MAP2K2: variants seen among roughly 807,000 people sequenced by gnomAD.
MAP2K2 encodes mitogen-activated protein kinase kinase 2, also known as dual specificity mitogen-activated protein kinase kinase 2.
In MAP2K2, 24 loss-of-function variants were observed where a neutral mutation model predicts 43.7. That is an observed-to-expected ratio of 0.55 (90% CI 0.40 to 0.77). The LOEUF (loss-of-function observed/expected upper bound fraction) is 0.77. MAP2K2 is among the 30% of genes least tolerant of loss of function. The pLI is 0.00. For missense variants in MAP2K2, 470 were observed against 566.8 expected (o/e 0.83, Z 1.73); for synonymous variants, 244 against 239.7 (o/e 1.02, Z -0.17).
rs1343449854 is a variant in MAP2K2, at chr19:4,115,819, A to G, written c.303+1600T>C. Among the ~76,000 whole-genome samples, 1 of 152,208 alleles carries G rather than the reference A, an allele frequency of 6.6e-6. No homozygotes were observed. Among genetic ancestry groups the G allele is most frequent in the East Asian group, 1.9e-4 (1 of 5,200 alleles). ...TACAGGATGGTGGGCTTCCAGGAAGAGGCAGCGTTCTAGGTCTGAAAGAAC... is the reference window on the plus strand; with the variant it reads ...TACAGGATGGTGGGCTTCCAGGAAGGGGCAGCGTTCTAGGTCTGAAAGAAC... On this transcript the variant is annotated intron_variant, in intron 2 of 10. Coordinates refer to ENST00000262948, the MANE Select transcript of MAP2K2 (RefSeq NM_030662.4). The surrounding 1 kb of genome is among the most constrained non-coding windows in gnomAD (Gnocchi z 4.1).
Position 4,102,413 on chromosome 19 carries a change from C to G in MAP2K2, c.491G>C (p.Arg164Thr), listed in dbSNP as rs751317148. 1 of 1,606,752 alleles carries G rather than the reference C, an allele frequency of 6.2e-7. No homozygotes were observed. The highest frequency in any genetic ancestry group is 8.5e-7 in the Non-Finnish European group (1 of 1,177,476). Residue 164 changes from arginine (R) to threonine (T), a missense_variant, in exon 4 of 11, where the codon AGG becomes ACG. By Grantham distance (71) the Arg-to-Thr change is moderately conservative. This residue lies in a region of MAP2K2 where 200 missense variants were observed against 297.9 expected (regional missense o/e 0.67). Coordinates refer to ENST00000262948, the MANE Select transcript of MAP2K2 (RefSeq NM_030662.4). ...SLDQVLKEAK[R>T]IPEEILGKVS... ...TTTCCCCAGGATCTCCTCGGGAATC[C>G]TCTTGGCCTCTTTCAGCACCTGGTC...
Position 4,110,613 on chromosome 19 carries a change from T to C in MAP2K2, c.346A>G (p.Ile116Val). The C allele has an allele frequency of 1.4e-5, 23 of 1,613,874 alleles. No individual in the cohort carries two copies. Among genetic ancestry groups the C allele is most frequent in the Middle Eastern group, 1.6e-4 (1 of 6,062 alleles). ...EIKPAIRNQIIRELQVLHECN... is the reference protein window; with the variant it reads ...EIKPAIRNQIVRELQVLHECN... ...TCGTGCAGGACCTGCAGCTCGCGGA[T>C]GATCTGGTTCCGGATGGCCGGCTTG... The change falls in exon 3 of 11, where the codon ATC (isoleucine) becomes GTC (valine). Residue 116 changes from isoleucine to valine, a missense_variant. Transcript: ENST00000262948.
At chr19:4,102,021 G>A (rs1043195269) in intron 4 of MAP2K2, among the ~76,000 whole-genome samples, 5 of 152,072 alleles carry the variant, frequency 3.3e-5, no homozygotes, top group East Asian at 3.9e-4. Context: ...AGGTCCTGGC[G>A]TCCCACATCC....
At chr19:4,091,037 G>A (rs939670165) in intron 10 of MAP2K2, among the ~76,000 whole-genome samples, 31 of 152,188 alleles carry the variant, frequency 2.0e-4, no homozygotes, top group African/African-American at 7.0e-4. Context: ...CACCGGGGCC[G>A]GATCATTCTC....
rs2041069171 is a variant in MAP2K2 at position 4,105,157 on chromosome 19, TGTGTGTG to T, written c.451-2711_451-2705del. Among the ~76,000 whole-genome samples the T allele has an allele frequency of 9.1e-4, 8 of 8,814 alleles. No individual in the cohort carries two copies. In the Admixed American group the frequency reaches 0.042, roughly 46 times the overall value. The allele number at this position is 8,814 out of a possible 152,430, so 5.8% of individuals were successfully genotyped here. A position where few individuals can be genotyped will look rare whatever the true frequency, so the allele number is the denominator to read the frequency against. On this transcript the variant is annotated intron_variant, in intron 3 of 10. Coordinates refer to ENST00000262948, the MANE Select transcript of MAP2K2 (RefSeq NM_030662.4). The stretch of plus-strand genomic sequence containing the variant: ...TGTGCATGACCATACACGTCTACCG[TGTGTGTG>T]TGTGTGTGTGTGTGTGTGTGTGTGT...
intron 2 of MAP2K2, among the ~76,000 whole-genome samples, chr19:4,112,583 G>A (rs539327536): frequency 2.0e-5 from 3 of 152,232 alleles, no homozygotes; most frequent in East Asian, 3.9e-4. Context: ...CCCGGGGCAC[G>A]GTGCCCACCT....
chr19:4,122,733 A>T (rs2041317202), intron 1 of MAP2K2, among the ~76,000 whole-genome samples: 1 of 147,636 alleles, frequency 6.8e-6, no homozygotes. Flanking sequence ...CAGGGACCCC[A>T]CCATCTCCCC....
rs1370559062 is a variant in MAP2K2, at chr19:4,110,609, C to T, written c.350G>A (p.Arg117His). 2 of 1,613,760 alleles carry T rather than the reference C, an allele frequency of 1.2e-6. No individual in the cohort carries two copies. Among genetic ancestry groups the T allele is most frequent in the African/African-American group, 1.3e-5 (1 of 74,934 alleles). The change falls in exon 3 of 11, where the codon CGC becomes CAC. Residue 117 changes from arginine to histidine, a missense_variant. Around this residue, in one of 3 missense-constraint regions of MAP2K2, gnomAD observed 200 missense variants for 297.9 expected, o/e 0.67. Transcript: ENST00000262948. ...IKPAIRNQII[R>H]ELQVLHECNS... ...GCATTCGTGCAGGACCTGCAGCTCG[C>T]GGATGATCTGGTTCCGGATGGCCGG...
At chr19:4,095,868 G>A (rs1240001609) in intron 8 of MAP2K2, among the ~76,000 whole-genome samples, 1 of 152,190 alleles carries the variant, frequency 6.6e-6, no homozygotes, top group Non-Finnish European at 1.5e-5. Flanking sequence ...TCCACCTCCG[G>A]GGTTCAAGGG....
chr19:4,109,298 C>CACGTCAGAGTCAATGAAGGGGGT (rs1258182429), intron 3 of MAP2K2, among the ~76,000 whole-genome samples: 1 of 152,154 alleles, frequency 6.6e-6, no homozygotes, highest in East Asian at 1.9e-4. Context: ...AACAAGGGGG[C>CACGTCAGAGTCAATGAAGGGGGT]ACGTCAGAGT....
chr19:4,100,893 G>T, intron 6 of MAP2K2, 126 bp downstream of exon 6: 1 of 1,125,086 alleles, frequency 8.9e-7, no homozygotes, highest in Non-Finnish European at 1.3e-6. Flanking sequence ...AACTGGGAGG[G>T]ACAGCTGCGC....
chr19:4,102,251 C>G (rs2041022939), intron 4 of MAP2K2, 125 bp downstream of exon 4: 1 of 838,270 alleles, frequency 1.2e-6, no homozygotes, highest in Non-Finnish European at 2.0e-6. Context: ...GCCTTGGCCA[C>G]TCTCTTTCTG....
intron 1 of MAP2K2, among the ~76,000 whole-genome samples, chr19:4,118,794 A>C (rs943257676): frequency 6.6e-6 from 1 of 152,158 alleles, no homozygotes; most frequent in Non-Finnish European, 1.5e-5. Flanking sequence ...CACAATAAAA[A>C]ATTTCTAACA....
rs2040843946 is a variant in MAP2K2, at chr19:4,090,458, T to G, written c.*140A>C. 2 of 758,660 alleles carry G rather than the reference T, an allele frequency of 2.6e-6. No individual in the cohort carries two copies. The highest frequency in any genetic ancestry group is 4.5e-6 in the Non-Finnish European group (2 of 441,048). The allele number at this position is 758,660 out of a possible 1,614,324, so 47.0% of individuals were successfully genotyped here. Reference sequence around the variant, plus strand: ...AGGAGACCCCCGTTCCTGCATGCGCTGTCGCCCCGCCACGGTGCTCTCCGC... The same window carrying G: ...AGGAGACCCCCGTTCCTGCATGCGCGGTCGCCCCGCCACGGTGCTCTCCGC... On this transcript the variant is annotated 3_prime_UTR_variant, in exon 11 of 11. Coordinates refer to ENST00000262948, the MANE Select transcript of MAP2K2 (RefSeq NM_030662.4).
intron 2 of MAP2K2, among the ~76,000 whole-genome samples, chr19:4,117,041 G>A (rs1217846468): frequency 8.5e-5 from 13 of 152,236 alleles, no homozygotes; most frequent in Admixed American, 8.5e-4. Context: ...CTGAGCCATC[G>A]CCCTGAGGTG....
At chr19:4,109,856 G>C (rs540716288) in intron 3 of MAP2K2, among the ~76,000 whole-genome samples, 2 of 152,144 alleles carry the variant, frequency 1.3e-5, no homozygotes, top group East Asian at 1.9e-4. Flanking sequence ...GTGTGCCTGC[G>C]AGTCAGTGCC....
intron 3 of MAP2K2, chr19:4,103,300 T>G: frequency 1.3e-5 from 13 of 974,184 alleles, no homozygotes; most frequent in Non-Finnish European, 1.3e-5. Context: ...TTCCATGTCT[T>G]GCCCAAGGCT....
intron 10 of MAP2K2, among the ~76,000 whole-genome samples, chr19:4,092,138 C>T (rs78051376): frequency 0.018 from 2,780 of 152,240 alleles, 78 homozygotes; most frequent in African/African-American, 0.064. Flanking sequence ...TGTCCAGGAC[C>T]TTGGGCCCCT....
chr19:4,102,520 C>T (rs1029613610), intron 3 of MAP2K2, 67 bp from the exon 4 acceptor site: 13 of 1,243,462 alleles, frequency 1.0e-5, no homozygotes, highest in Admixed American at 2.0e-5. Context: ...GATGCGTCCC[C>T]CCACTCCCGG....
Sources: allele counts gnomAD v4.1 joint callset (sites outside exome capture counted in the v4.1 genomes callset), GRCh38; gene constraint gnomAD v4.1.1; regional missense constraint gnomAD v4.1.1; non-coding constraint Gnocchi (gnomAD v3.1); transcripts MANE v1.5; gene names NCBI Gene and HGNC (gene_info 2026-07-23, HGNC 2026-07-21).